Variants in TNKS observed in about 807,000 individuals in gnomAD.
The protein encoded by TNKS is poly [ADP-ribose] polymerase tankyrase-1.
A neutral mutation model predicts 135.8 loss-of-function variants in TNKS; 72 were observed. The ratio of observed to expected loss-of-function variants is 0.53; its 90% CI spans 0.44 to 0.64. The LOEUF (loss-of-function observed/expected upper bound fraction) is 0.64. Ranked by LOEUF, TNKS falls within the 30% of genes least tolerant of loss-of-function variation. The pLI, the probability that TNKS is intolerant of heterozygous loss-of-function variation, is 0.00. For missense variants in TNKS, 1,769 were observed against 1,674.0 expected (o/e 1.06, Z -0.99); for synonymous variants, 849 against 649.3 (o/e 1.31, Z -4.68).
chr8:9,632,056 C>G (rs1264206032), intron 3 of TNKS, among the ~76,000 whole-genome samples: 1 of 152,126 alleles, frequency 6.6e-6, no homozygotes, highest in African/African-American at 2.4e-5. Context: ...TCCCTGAAAG[C>G]TTAATGATAT....
At chr8:9,699,084 A>G (rs991585171) in intron 5 of TNKS, among the ~76,000 whole-genome samples, 5 of 152,216 alleles carry the variant, frequency 3.3e-5, no homozygotes, top group Admixed American at 1.3e-4. Context: ...AGAAACTGGC[A>G]GTGATTGCTG....
At chr8:9,614,303 A>G (rs1050779800) in intron 2 of TNKS, among the ~76,000 whole-genome samples, 2 of 152,194 alleles carry the variant, frequency 1.3e-5, no homozygotes, top group African/African-American at 4.8e-5. Flanking sequence ...GTTTGCATTC[A>G]CATAGGAAAT....
intron 1 of TNKS, among the ~76,000 whole-genome samples, chr8:9,575,742 A>C (rs78116474): frequency 0.012 from 1,850 of 152,320 alleles, 37 homozygotes; most frequent in African/African-American, 0.041. Context: ...TGAACTGACA[A>C]GAGTTGAAAT....
chr8:9,669,364 G>A (rs1802161165), intron 3 of TNKS, among the ~76,000 whole-genome samples: 1 of 148,574 alleles, frequency 6.7e-6, no homozygotes, highest in Non-Finnish European at 1.5e-5. Flanking sequence ...CTTGCAGTGA[G>A]CCGAGATTGC....
intron 1 of TNKS, chr8:9,574,979 G>C (rs1797890916): frequency 1.1e-6 from 1 of 929,074 alleles, no homozygotes; most frequent in Non-Finnish European, 1.3e-6. Context: ...GAGATGCTAA[G>C]AATGTGGAAA....
At chr8:9,717,722 A>G (rs1443132050) in intron 11 of TNKS, among the ~76,000 whole-genome samples, 1 of 152,192 alleles carries the variant, frequency 6.6e-6, no homozygotes, top group Non-Finnish European at 1.5e-5. Flanking sequence ...CCTTCTCTTA[A>G]GGAACTTAAA....
rs139095647 is a variant in TNKS, at chr8:9,772,242, G to A, written c.3897+1980G>A. 537 of 373,720 alleles carry A rather than the reference G, an allele frequency of 1.4e-3. 3 individuals carry two copies. Among genetic ancestry groups the A allele is most frequent in the African/African-American group, 0.01 (485 of 46,880 alleles). The allele number at this position is 373,720 out of a possible 1,614,324, so 23.2% of individuals were successfully genotyped here. On this transcript the variant is annotated intron_variant, in intron 26 of 26. Transcript: ENST00000310430. Reference sequence around the variant, plus strand: ...ATATTTGCGTGGTTTTCTTATTACAGACTTACTTTCAAAGGGGGCTGGGGG... The same window carrying A: ...ATATTTGCGTGGTTTTCTTATTACAAACTTACTTTCAAAGGGGGCTGGGGG...
chr8:9,602,965 TTGAG>T (rs1233827547), intron 2 of TNKS, among the ~76,000 whole-genome samples: 2 of 152,234 alleles, frequency 1.3e-5, no homozygotes, highest in African/African-American at 4.8e-5. Context: ...AAATTTGTAG[TTGAG>T]AAACTAGGTT....
chr8:9,658,293 TG>T, intron 3 of TNKS: 1 of 426,192 alleles, frequency 2.3e-6, no homozygotes, highest in South Asian at 4.8e-5. Context: ...GGCAGGCGGC[TG>T]CTCCTTGCCC....
intron 12 of TNKS, among the ~76,000 whole-genome samples, chr8:9,724,799 T>C (rs1805081207): frequency 6.6e-6 from 1 of 152,238 alleles, no homozygotes; most frequent in Non-Finnish European, 1.5e-5. Flanking sequence ...AGCATTCTTA[T>C]ATTTGCTTAA....
intron 2 of TNKS, among the ~76,000 whole-genome samples, chr8:9,585,277 C>T (rs542444323): frequency 8.0e-5 from 12 of 150,308 alleles, no homozygotes; most frequent in South Asian, 2.1e-4. Context: ...GAAATCATGA[C>T]GAAAAAGGTA....
intron 11 of TNKS, among the ~76,000 whole-genome samples, chr8:9,717,486 A>C (rs1250354578): frequency 6.6e-6 from 1 of 152,096 alleles, no homozygotes; most frequent in African/African-American, 2.4e-5. Flanking sequence ...CTCAATTTCC[A>C]GGGAAAGAGG....
intron 3 of TNKS, among the ~76,000 whole-genome samples, chr8:9,627,153 T>G (rs766051203): frequency 6.6e-6 from 1 of 152,212 alleles, no homozygotes; most frequent in Non-Finnish European, 1.5e-5. Context: ...TCCAGAGAGC[T>G]GAACATGTGG....
chr8:9,614,774 C>G (rs1438855959), intron 2 of TNKS, among the ~76,000 whole-genome samples: 1 of 152,148 alleles, frequency 6.6e-6, no homozygotes, highest in East Asian at 1.9e-4. Context: ...CCCTCTCCAC[C>G]CTCCCTACGT....
chr8:9,725,285 G>A (rs1222579731), intron 12 of TNKS, among the ~76,000 whole-genome samples: 1 of 152,174 alleles, frequency 6.6e-6, no homozygotes, highest in Non-Finnish European at 1.5e-5. Flanking sequence ...GGAATATAAA[G>A]ATGAGCAAGA....
chr8:9,734,128 C>T (rs911984507), intron 15 of TNKS, among the ~76,000 whole-genome samples: 1 of 151,902 alleles, frequency 6.6e-6, no homozygotes, highest in South Asian at 2.1e-4. Flanking sequence ...TCTTATGAAT[C>T]TTGAGAAAAA....
At chr8:9,652,747 T>G (rs1801191737) in intron 3 of TNKS, among the ~76,000 whole-genome samples, 1 of 152,210 alleles carries the variant, frequency 6.6e-6, no homozygotes, top group Admixed American at 6.5e-5. Flanking sequence ...ATCATCATCA[T>G]CACTATCATC....
chr8:9,748,566 T>C (rs1806361418), intron 18 of TNKS, among the ~76,000 whole-genome samples: 1 of 152,218 alleles, frequency 6.6e-6, no homozygotes, highest in Non-Finnish European at 1.5e-5. Flanking sequence ...ATAATTTACC[T>C]AAGTCTGTGA....
At chr8:9,624,232 T>C (rs1799973281) in intron 3 of TNKS, among the ~76,000 whole-genome samples, 1 of 152,200 alleles carries the variant, frequency 6.6e-6, no homozygotes, top group African/African-American at 2.4e-5. Flanking sequence ...ATAGCAACTC[T>C]GTAACATTTG....
Sources: gnomAD v4.1 joint callset for allele counts (sites outside exome capture counted in the v4.1 genomes callset) on GRCh38, gnomAD v4.1.1 for gene constraint, MANE v1.5 for transcripts, NCBI Gene and HGNC (gene_info 2026-07-23, HGNC 2026-07-21) for gene names.